The following DOCK8 variants were observed in gnomAD, a reference collection of about 807,000 sequenced individuals.
DOCK8 encodes the protein dedicator of cytokinesis protein 8.
Under a neutral mutation model 245.6 loss-of-function variants are expected in DOCK8, and 141 were observed. The ratio of observed to expected loss-of-function variants is 0.57; its 90% confidence interval spans 0.50 to 0.66. The LOEUF is 0.66. DOCK8 is among the 30% of genes least tolerant of loss of function. The pLI is 0.00. For missense variants in DOCK8, 2,965 were observed against 2,603.4 expected (o/e 1.14, Z -3.02); for synonymous variants, 1,168 against 970.2 (o/e 1.20, Z -3.79).
chr9:301,737 A>G (rs1327411471), intron 4 of DOCK8, among the ~76,000 whole-genome samples: 1 of 152,240 alleles, frequency 6.6e-6, no homozygotes, highest in African/African-American at 2.4e-5. Flanking sequence ...CAAGAATGCA[A>G]TTCCATTTAT....
chr9:381,959 T>TA (rs74820255), intron 21 of DOCK8, among the ~76,000 whole-genome samples: 22,039 of 142,736 alleles, frequency 0.15, 3,727 homozygotes, highest in African/African-American at 0.42. Flanking sequence ...GACCCTGTCT[T>TA]AAAAAAAAAA....
intron 44 of DOCK8, 41 bp from the exon 45 acceptor site, chr9:449,743 G>C: frequency 6.2e-7 from 1 of 1,611,898 alleles, no homozygotes. Flanking sequence ...TAGCTTATGA[G>C]ACCAGACAGT....
At chr9:447,420 T>G (rs1297654140) in intron 44 of DOCK8, among the ~76,000 whole-genome samples, 1 of 152,228 alleles carries the variant, frequency 6.6e-6, no homozygotes, top group Non-Finnish European at 1.5e-5. Flanking sequence ...TCCATGATTT[T>G]CAGTTTTGCT....
intron 1 of DOCK8, among the ~76,000 whole-genome samples, chr9:223,735 C>T (rs1179479399): frequency 6.6e-6 from 1 of 150,796 alleles, no homozygotes; most frequent in Non-Finnish European, 1.5e-5. Flanking sequence ...ACAGAATTAA[C>T]ATCTGTTAAC....
intron 27 of DOCK8, 128 bp from the exon 28 acceptor site, chr9:406,802 C>T: frequency 1.8e-6 from 2 of 1,135,134 alleles, no homozygotes; most frequent in Non-Finnish European, 2.5e-6. Context: ...TTATCTGGCA[C>T]CAGAGTACCT....
chr9:309,980 C>G (rs778734946), intron 5 of DOCK8, among the ~76,000 whole-genome samples: 7 of 152,072 alleles, frequency 4.6e-5, no homozygotes, highest in Non-Finnish European at 1.0e-4. Context: ...CAGAAGAAGT[C>G]ATCGTGGCCA....
chr9:299,964 G>A (rs2130522789), intron 4 of DOCK8, among the ~76,000 whole-genome samples: 2 of 150,698 alleles, frequency 1.3e-5, no homozygotes, highest in Middle Eastern at 6.9e-3. Flanking sequence ...AGAGCTTGCA[G>A]TGAGCAGAGA....
chr9:458,034 G>A (rs2057695536), intron 46 of DOCK8: 1 of 152,202 alleles, frequency 6.6e-6, no homozygotes, highest in Non-Finnish European at 1.5e-5. Context: ...TTGCCATGCT[G>A]AGCTGTTCCC....
intron 4 of DOCK8, among the ~76,000 whole-genome samples, chr9:298,250 C>A (rs2049352714): frequency 6.6e-6 from 1 of 152,072 alleles, no homozygotes; most frequent in African/African-American, 2.4e-5. Flanking sequence ...CACGGCAAAA[C>A]CCCGTCTCTA....
Position 464,262 on chromosome 9 carries a change from T to G in DOCK8, c.*43T>G. 1 of 1,543,306 alleles carries G rather than the reference T, an allele frequency of 6.5e-7. No homozygotes were observed. On this transcript the variant is annotated 3_prime_UTR_variant, in exon 48 of 48. Transcript: ENST00000432829. ...CGTGGAGACTGTGGCCCTGCAACCCTGGAGAAGGACTTGCTGGTACTTAAA... is the reference window on the plus strand; with the variant it reads ...CGTGGAGACTGTGGCCCTGCAACCCGGGAGAAGGACTTGCTGGTACTTAAA...
At chr9:267,640 A>T (rs1248036652) in intron 1 of DOCK8, among the ~76,000 whole-genome samples, 2 of 152,186 alleles carry the variant, frequency 1.3e-5, no homozygotes, top group African/African-American at 4.8e-5. Context: ...ATATTGTTAT[A>T]CTGTTGTGTG....
intron 46 of DOCK8, among the ~76,000 whole-genome samples, chr9:460,782 T>A (rs1177717767): frequency 1.3e-5 from 2 of 152,258 alleles, no homozygotes; most frequent in African/African-American, 4.8e-5. Flanking sequence ...CCACATGCTA[T>A]CCTCTTCCTC....
intron 9 of DOCK8, among the ~76,000 whole-genome samples, chr9:331,006 C>G (rs1439250783): frequency 6.6e-6 from 1 of 152,182 alleles, no homozygotes; most frequent in African/African-American, 2.4e-5. Context: ...CATTCCCCTT[C>G]CTTGCTTCAG....
At chr9:267,294 C>G (rs902896909) in intron 1 of DOCK8, among the ~76,000 whole-genome samples, 5 of 152,226 alleles carry the variant, frequency 3.3e-5, no homozygotes, top group Admixed American at 6.5e-5. Flanking sequence ...TAGCCTCAAC[C>G]TCCCAGGCTC....
At chr9:414,152 C>G (rs1383023582) in intron 28 of DOCK8, among the ~76,000 whole-genome samples, 2 of 148,546 alleles carry the variant, frequency 1.3e-5, no homozygotes, top group African/African-American at 4.9e-5. Flanking sequence ...AAAAGTTAAA[C>G]AGACAGTTAC....
chr9:428,921 A>G (rs1171997949), intron 35 of DOCK8, among the ~76,000 whole-genome samples: 3 of 152,220 alleles, frequency 2.0e-5, no homozygotes. Context: ...GGCCTGAGGA[A>G]TGAGGATTAT....
intron 38 of DOCK8, among the ~76,000 whole-genome samples, chr9:434,474 A>T (rs890890434): frequency 1.3e-5 from 2 of 152,194 alleles, no homozygotes; most frequent in African/African-American, 2.4e-5. Context: ...TTTGAGAGAA[A>T]GGAAAGAAAA....
intron 45 of DOCK8, 149 bp downstream of exon 45, chr9:450,076 G>A: frequency 1.2e-6 from 1 of 841,606 alleles, no homozygotes. Flanking sequence ...ACACCTGTAA[G>A]GTTTAGAAGA....
At chr9:343,082 A>G (rs2051690688) in intron 14 of DOCK8, among the ~76,000 whole-genome samples, 1 of 152,210 alleles carries the variant, frequency 6.6e-6, no homozygotes, top group South Asian at 2.1e-4. Flanking sequence ...AGTATGACGT[A>G]TGTGGGACTA....
Sources: allele counts gnomAD v4.1 joint callset (sites outside exome capture counted in the v4.1 genomes callset), GRCh38; gene constraint gnomAD v4.1.1; transcripts MANE v1.5; gene names NCBI Gene and HGNC (gene_info 2026-07-23, HGNC 2026-07-21).